The following DPYD variants were observed in gnomAD, a reference collection of about 807,000 sequenced individuals.
DPYD encodes the protein dihydropyrimidine dehydrogenase [NADP(+)].
DPYD carries 109 observed loss-of-function variants against 116.2 expected under a neutral mutation model. The observed-to-expected ratio is 0.94, with a 90% CI of 0.80 to 1.10. DPYD has a LOEUF of 1.10. Among genes scored for constraint, DPYD ranks in the 50% least tolerant of loss-of-function variants. The pLI, the probability that DPYD is intolerant of heterozygous loss-of-function variation, is 0.00. For missense variants in DPYD, 1,302 were observed against 1,254.5 expected (o/e 1.04, Z -0.57); for synonymous variants, 440 against 432.0 (o/e 1.02, Z -0.23).
chr1:97,177,571 T>TC (rs1159311427), intron 20 of DPYD, among the ~76,000 whole-genome samples: 1 of 148,950 alleles, frequency 6.7e-6, no homozygotes, highest in African/African-American at 2.5e-5. Context: ...TCTTTCTTTT[T>TC]TTTTTTTTTT....
At chr1:97,563,323 G>C (rs1291754819) in intron 11 of DPYD, among the ~76,000 whole-genome samples, 5 of 152,020 alleles carry the variant, frequency 3.3e-5, no homozygotes, top group African/African-American at 1.2e-4. Context: ...AAATATTATA[G>C]GCTGTGGTCA....
chr1:97,828,226 C>T (rs770491709), intron 2 of DPYD, 30 bp from the exon 3 acceptor site: 5 of 1,598,652 alleles, frequency 3.1e-6, no homozygotes, highest in Non-Finnish European at 4.3e-6. Context: ...TGCATTAATT[C>T]TCTAAGATCC....
At chr1:97,513,746 A>T (rs941724951) in intron 13 of DPYD, among the ~76,000 whole-genome samples, 1 of 151,844 alleles carries the variant, frequency 6.6e-6, no homozygotes, top group African/African-American at 2.4e-5. Context: ...CCAACATTTC[A>T]TCAATAGGAA....
In DPYD at chr1:97,082,415, A is replaced by C. The variant is rs748639205; in HGVS notation, c.2822T>G (p.Val941Gly). Residue 941 changes from valine (V) to glycine (G), a missense_variant, in exon 22 of 23, where the codon GTA becomes GGA. Coordinates refer to ENST00000370192, the MANE Select transcript of DPYD (RefSeq NM_000110.4). ...ATCAATCATAGCCACAACTTGCTCT[A>C]CGTTGCTCAATTCACCAAATGTTCC... Reference protein sequence around the residue: ...YLGTFGELSNVEQVVAMIDEE... With the variant: ...YLGTFGELSNGEQVVAMIDEE... 1 of 1,613,676 alleles carries C rather than the reference A, an allele frequency of 6.2e-7. No individual in the cohort carries two copies. The highest frequency in any genetic ancestry group is 1.7e-4 in the Middle Eastern group (1 of 6,058).
chr1:97,403,926 CAAT>C (rs1228496587), intron 14 of DPYD, among the ~76,000 whole-genome samples: 2 of 152,096 alleles, frequency 1.3e-5, no homozygotes, highest in East Asian at 1.9e-4. Context: ...TATATGCACT[CAAT>C]GATATAAATT....
intron 13 of DPYD, among the ~76,000 whole-genome samples, chr1:97,490,767 T>C: frequency 6.6e-6 from 1 of 150,666 alleles, no homozygotes; most frequent in East Asian, 1.9e-4. Context: ...TCAACTTAAT[T>C]TCTTCTCTGA....
At chr1:97,383,670 T>C (rs1231637292) in intron 14 of DPYD, among the ~76,000 whole-genome samples, 1 of 152,158 alleles carries the variant, frequency 6.6e-6, no homozygotes, top group Non-Finnish European at 1.5e-5. Flanking sequence ...GACAGTCATA[T>C]AGCTGATAAG....
chr1:97,285,512 C>A (rs527378115), intron 18 of DPYD, among the ~76,000 whole-genome samples: 16 of 152,142 alleles, frequency 1.1e-4, no homozygotes, highest in Admixed American at 8.5e-4. Context: ...TATATACATA[C>A]CCTCAGAAAT....
At chr1:97,244,958 G>A (rs1662615391) in intron 18 of DPYD, among the ~76,000 whole-genome samples, 2 of 151,960 alleles carry the variant, frequency 1.3e-5, no homozygotes, top group African/African-American at 2.4e-5. Flanking sequence ...TCTTGGTTGC[G>A]AGTGGTAAAA....
Position 97,773,908 on chromosome 1 carries a change from G to T in DPYD, c.234-33429C>A, listed in dbSNP as rs182504949. On this transcript the variant is annotated intron_variant, in intron 3 of 22. Coordinates refer to ENST00000370192, the MANE Select transcript of DPYD (RefSeq NM_000110.4). ...TCAGTACACTAAGGCAAGAACCCAG[G>T]ATACAGAAAGAAGCCCCTCTGTCCT... 1.2e-3 allele frequency among the ~76,000 whole-genome samples: 183 copies of T among 152,238 alleles called. No homozygotes were observed. In the Middle Eastern group the frequency reaches 0.024, roughly 20 times the overall value.
intron 16 of DPYD, among the ~76,000 whole-genome samples, chr1:97,341,745 T>C (rs1224074059): frequency 6.6e-6 from 1 of 152,198 alleles, no homozygotes; most frequent in African/African-American, 2.4e-5. Flanking sequence ...AGCACATCCT[T>C]TTCTACTGTT....
intron 19 of DPYD, among the ~76,000 whole-genome samples, chr1:97,216,236 A>G (rs987287798): frequency 1.3e-5 from 2 of 152,180 alleles, no homozygotes; most frequent in African/African-American, 2.4e-5. Context: ...CTTTGATGCC[A>G]TAAACCACAT....
intron 3 of DPYD, among the ~76,000 whole-genome samples, chr1:97,815,868 G>A (rs943230526): frequency 2.6e-5 from 4 of 152,082 alleles, no homozygotes. Flanking sequence ...AAAGACTAGA[G>A]GAAATGGGAT....
intron 6 of DPYD, among the ~76,000 whole-genome samples, chr1:97,697,806 T>C (rs1187364386): frequency 2.6e-5 from 4 of 152,000 alleles, no homozygotes; most frequent in African/African-American, 7.2e-5. Flanking sequence ...TCTACCAAAA[T>C]TGGCAATACA....
chr1:97,401,674 T>A (rs1673386446), intron 14 of DPYD, among the ~76,000 whole-genome samples: 1 of 152,118 alleles, frequency 6.6e-6, no homozygotes, highest in Non-Finnish European at 1.5e-5. Context: ...ATATTGCCTT[T>A]GGAGTTGTAT....
At chr1:97,757,410 G>T (rs539716909) in intron 3 of DPYD, among the ~76,000 whole-genome samples, 18 of 152,238 alleles carry the variant, frequency 1.2e-4, no homozygotes, top group Non-Finnish European at 2.2e-4. Flanking sequence ...TCTGAAAGAA[G>T]GCCCTGGTGA....
intron 14 of DPYD, among the ~76,000 whole-genome samples, chr1:97,442,801 A>G (rs952920206): frequency 1.3e-5 from 2 of 152,200 alleles, no homozygotes; most frequent in African/African-American, 4.8e-5. Flanking sequence ...TAGTTCACCA[A>G]GTTTTGAAAA....
At chr1:97,397,566 C>T (rs1443303584) in intron 14 of DPYD, among the ~76,000 whole-genome samples, 1 of 152,062 alleles carries the variant, frequency 6.6e-6, no homozygotes, top group Non-Finnish European at 1.5e-5. Context: ...GATTTCTTTA[C>T]TGTCACCATA....
intron 21 of DPYD, among the ~76,000 whole-genome samples, chr1:97,085,466 T>C (rs1049494759): frequency 2.6e-5 from 4 of 152,228 alleles, no homozygotes; most frequent in Admixed American, 1.3e-4. Flanking sequence ...TATTAGCACA[T>C]GGTGTTAACA....
Sources: allele counts gnomAD v4.1 joint callset (sites outside exome capture counted in the v4.1 genomes callset), GRCh38; gene constraint gnomAD v4.1.1; transcripts MANE v1.5; gene names NCBI Gene and HGNC (gene_info 2026-07-23, HGNC 2026-07-21).